The following RNF17 variants were observed in gnomAD, a reference collection of about 807,000 sequenced individuals.
RNF17 encodes spermatogenesis associated 23.
Under a neutral mutation model 200.5 loss-of-function variants are expected in RNF17, and 31 were observed. The observed-to-expected ratio is 0.15, with a 90% CI of 0.12 to 0.21. RNF17 has a LOEUF of 0.21. Among genes scored for constraint, RNF17 ranks in the 10% least tolerant of loss-of-function variants. The probability of loss-of-function intolerance (pLI) is 1.00; values close to 1 mark genes in which losing one functional copy is unlikely to be tolerated. For synonymous variants in RNF17, 606 were observed against 637.8 expected (o/e 0.95, Z 0.75); for missense variants, 1,628 against 1,905.1 (o/e 0.85, Z 2.71).
intron 15 of RNF17, among the ~76,000 whole-genome samples, chr13:24,816,180 G>T (rs752049375): frequency 6.6e-6 from 1 of 152,128 alleles, no homozygotes; most frequent in Non-Finnish European, 1.5e-5. Flanking sequence ...GAGTACAGCC[G>T]TGGGCCACTG....
At chr13:24,796,553 A>G (rs936466407) in intron 11 of RNF17, among the ~76,000 whole-genome samples, 1 of 152,132 alleles carries the variant, frequency 6.6e-6, no homozygotes, top group African/African-American at 2.4e-5. Flanking sequence ...TTTTAAAACT[A>G]CAAGACCCAT....
rs774248684 is a variant in RNF17 at position 24,864,931 on chromosome 13, C to T, written c.4034C>T (p.Ser1345Leu). 6.4e-7 allele frequency: 1 copy of T among 1,567,348 alleles called. No individual in the cohort carries two copies. Among genetic ancestry groups the T allele is most frequent in the South Asian group, 1.2e-5 (1 of 86,354 alleles). ...ATTCACCTCTATTTTGATGGAATGTCACTTTCTTATTTTATGGCATACTAT... is the reference window on the plus strand; with the variant it reads ...ATTCACCTCTATTTTGATGGAATGTTACTTTCTTATTTTATGGCATACTAT... ...LSIHLYFDGM[S>L]LSYFMAYYKY... The change falls in exon 29 of 36, where the codon TCA becomes TTA. Residue 1345 changes from serine to leucine, a missense_variant. Coordinates refer to ENST00000255324, the MANE Select transcript of RNF17 (RefSeq NM_031277.3).
upstream of RNF17, among the ~76,000 whole-genome samples, chr13:24,762,945 C>T (rs1878920017): frequency 6.6e-6 from 1 of 152,192 alleles, no homozygotes; most frequent in Non-Finnish European, 1.5e-5. Flanking sequence ...AACTCATACT[C>T]TGGCTAAATG....
chr13:24,820,916 T>C (rs1887983356), intron 15 of RNF17, among the ~76,000 whole-genome samples: 1 of 152,218 alleles, frequency 6.6e-6, no homozygotes, highest in African/African-American at 2.4e-5. Flanking sequence ...AGTCTAATAG[T>C]GTCTTAGTTC....
intron 2 of RNF17, among the ~76,000 whole-genome samples, chr13:24,772,538 T>G (rs1880913522): frequency 6.6e-6 from 1 of 151,232 alleles, no homozygotes; most frequent in South Asian, 2.1e-4. Flanking sequence ...TTTTCCTAAA[T>G]AACTTCAATC....
At chr13:24,797,766 G>A (rs1252205866) in intron 11 of RNF17, among the ~76,000 whole-genome samples, 1 of 139,222 alleles carries the variant, frequency 7.2e-6, no homozygotes, top group Admixed American at 7.4e-5. Flanking sequence ...ATGGAATGGT[G>A]TTCTGACCAG....
At chr13:24,883,366 A>G, downstream of RNF17, 2 of 1,597,930 alleles carry the variant, frequency 1.3e-6, no homozygotes, top group South Asian at 1.2e-5. Context: ...GTTTGTTGCC[A>G]TCACTGTAAA....
At chr13:24,783,938 A>G (rs1227464902) in intron 6 of RNF17, among the ~76,000 whole-genome samples, 1 of 152,230 alleles carries the variant, frequency 6.6e-6, no homozygotes. Context: ...AAAAGCAGGT[A>G]CGTCTTGTGC....
chr13:24,846,026 A>G (rs2138166620), intron 22 of RNF17, among the ~76,000 whole-genome samples: 1 of 152,300 alleles, frequency 6.6e-6, no homozygotes, highest in East Asian at 1.9e-4. Context: ...CCAGGAGTTC[A>G]AGCCTGCAGT....
chr13:24,868,343 G>A (rs940534589), intron 30 of RNF17, among the ~76,000 whole-genome samples: 7 of 148,474 alleles, frequency 4.7e-5, no homozygotes, highest in East Asian at 2.0e-4. Flanking sequence ...AGTGGCGGGC[G>A]CCTGTAGTCC....
intron 2 of RNF17, 43 bp downstream of exon 2, chr13:24,767,409 T>A (rs1002076600): frequency 7.7e-7 from 1 of 1,293,920 alleles, no homozygotes; most frequent in Non-Finnish European, 1.1e-6. Flanking sequence ...CACAACCTAA[T>A]GTTAATGGTA....
chr13:24,876,910 A>G (rs1894920558), intron 33 of RNF17, 87 bp from the exon 34 acceptor site: 1 of 1,084,102 alleles, frequency 9.2e-7, no homozygotes. Context: ...ATCCAATGTT[A>G]TGAAGCGTTT....
At chr13:24,775,177 G>A (rs1164201169) in intron 3 of RNF17, among the ~76,000 whole-genome samples, 4 of 152,156 alleles carry the variant, frequency 2.6e-5, no homozygotes, top group Non-Finnish European at 5.9e-5. Context: ...AAAGTTACTC[G>A]TGCTGGATGG....
chr13:24,763,846 G>A (rs904115874), upstream of RNF17, among the ~76,000 whole-genome samples: 2 of 152,182 alleles, frequency 1.3e-5, no homozygotes, highest in African/African-American at 4.8e-5. Context: ...GCCCTGACAC[G>A]TAATAGGGAA....
At chr13:24,803,688 A>G (rs972671776) in intron 14 of RNF17, 2 of 152,316 alleles carry the variant, frequency 1.3e-5, no homozygotes, top group Non-Finnish European at 2.9e-5. Context: ...CATTCTAGAA[A>G]AATACAAGTA....
chr13:24,874,351 A>G, intron 33 of RNF17, 102 bp downstream of exon 33: 4 of 949,436 alleles, frequency 4.2e-6, no homozygotes, highest in Non-Finnish European at 5.9e-6. Context: ...GGGTTATTCT[A>G]AGGCTGTTTA....
chr13:24,768,074 G>A, intron 2 of RNF17, among the ~76,000 whole-genome samples: 1 of 152,042 alleles, frequency 6.6e-6, no homozygotes, highest in Non-Finnish European at 1.5e-5. Context: ...GTACATTTGG[G>A]AGATGCCATT....
At chr13:24,760,872 C>T (rs1257076814), upstream of RNF17, among the ~76,000 whole-genome samples, 1 of 152,038 alleles carries the variant, frequency 6.6e-6, no homozygotes, top group African/African-American at 2.4e-5. Flanking sequence ...TGAAAGCATG[C>T]TCAATGTCAC....
chr13:24,866,968 G>A (rs1893690444), intron 30 of RNF17, among the ~76,000 whole-genome samples: 2 of 152,142 alleles, frequency 1.3e-5, no homozygotes, highest in African/African-American at 4.8e-5. Flanking sequence ...TTTAGGATAG[G>A]CATGAAGTGG....
Sources: allele counts gnomAD v4.1 joint callset (sites outside exome capture counted in the v4.1 genomes callset), GRCh38; gene constraint gnomAD v4.1.1; transcripts MANE v1.5; gene names NCBI Gene and HGNC (gene_info 2026-07-23, HGNC 2026-07-21).